Variants in INTS10 observed in about 807,000 individuals in gnomAD.
The protein encoded by INTS10 is integrator complex subunit 10, also known as chromosome 8 open reading frame 35.
In INTS10, 44 loss-of-function variants were observed where a neutral mutation model predicts 94.4. That is an observed-to-expected ratio of 0.47 (90% confidence interval 0.37 to 0.60). The LOEUF (loss-of-function observed/expected upper bound fraction) is 0.60. INTS10 is among the 20% of genes least tolerant of loss of function. The probability of loss-of-function intolerance (pLI) is 0.00; values close to 1 mark genes in which losing one functional copy is unlikely to be tolerated. For missense variants in INTS10, 797 were observed against 868.7 expected (o/e 0.92, Z 1.04); for synonymous variants, 341 against 320.7 (o/e 1.06, Z -0.68).
intron 9 of INTS10, among the ~76,000 whole-genome samples, chr8:19,829,643 G>C (rs976916198): frequency 6.6e-6 from 1 of 152,160 alleles, no homozygotes; most frequent in African/African-American, 2.4e-5. Flanking sequence ...GTTATTCTCT[G>C]ACATTATTTC....
intron 9 of INTS10, among the ~76,000 whole-genome samples, chr8:19,828,308 C>T (rs2066960199): frequency 7.0e-6 from 1 of 142,494 alleles, no homozygotes; most frequent in Admixed American, 7.2e-5. Context: ...CACACTGGCC[C>T]CTGGTGGTAA....
In INTS10 at chr8:19,851,616, G is replaced by A. The variant is rs1453234604; in HGVS notation, c.1977-33G>A. 6.2e-7 allele frequency: 1 copy of A among 1,611,182 alleles called. No homozygotes were observed. The highest frequency in any genetic ancestry group is 8.5e-7 in the Non-Finnish European group (1 of 1,177,624). ...ATCAGCGATGCTGGTGCTAACCCCT[G>A]GTCTTTGTCTGTTTCCCTATTGCTG... is the stretch of plus-strand genomic sequence containing the variant. On this transcript the variant is annotated intron_variant, in intron 16 of 16. Transcript: ENST00000397977. The surrounding 1 kb of genome is among the most constrained non-coding windows in gnomAD (Gnocchi z 5.0).
At position 19,820,433 on chromosome 8, in the gene INTS10, C is replaced by T. The variant is rs746873851; in HGVS notation, c.356C>T (p.Thr119Met). 14 of 1,613,316 alleles carry T rather than the reference C, an allele frequency of 8.7e-6. No individual in the cohort carries two copies. Among genetic ancestry groups the T allele is most frequent in the Middle Eastern group, 1.6e-4 (1 of 6,062 alleles). Reference sequence around the variant, plus strand: ...CAGTGTGAAATGTTACTAAAGGTCACGGAACAATGCTTCAACACGTTAGAA... The same window carrying T: ...CAGTGTGAAATGTTACTAAAGGTCATGGAACAATGCTTCAACACGTTAGAA... Reference protein sequence around the residue: ...RVQCEMLLKVTEQCFNTLERS... With the variant: ...RVQCEMLLKVMEQCFNTLERS... Residue 119 changes from threonine to methionine, a missense_variant, in exon 4 of 17, where the codon ACG (threonine) becomes ATG (methionine). Around this residue, in one of 3 missense-constraint regions of INTS10, gnomAD observed 734 missense variants for 787.8 expected, o/e 0.93. Transcript: ENST00000397977.
intron 2 of INTS10, 124 bp from the exon 3 acceptor site, chr8:19,819,449 G>C (rs901481254): frequency 1.0e-5 from 6 of 592,554 alleles, no homozygotes; most frequent in African/African-American, 1.9e-5. Context: ...ATTTTGGTTT[G>C]TTTTGGCACG....
chr8:19,841,969 T>C, intron 13 of INTS10: 1 of 292,542 alleles, frequency 3.4e-6, no homozygotes, highest in South Asian at 3.0e-5. Flanking sequence ...AGTATGTGTG[T>C]ACAGGATCCC....
intron 13 of INTS10, among the ~76,000 whole-genome samples, chr8:19,838,987 G>A (rs1171026537): frequency 6.6e-6 from 1 of 152,048 alleles, no homozygotes; most frequent in African/African-American, 2.4e-5. Context: ...CAGGGGAATC[G>A]CTTGAACCCG....
In INTS10 at chr8:19,818,221, C is replaced by G. The variant is rs1458886981; in HGVS notation, c.130-54C>G. 1.9e-6 allele frequency: 3 copies of G among 1,563,276 alleles called. No individual in the cohort carries two copies. The South Asian group carries it at 3.3e-5, about 17-fold the overall frequency. ...GGGCCAACGAGCGATGCTGGATGAG[C>G]TGGGAGCCTTCTGGGCAGGGGTGAG... On this transcript the variant is annotated intron_variant, in intron 1 of 16. Coordinates refer to ENST00000397977, the MANE Select transcript of INTS10 (RefSeq NM_018142.4).
rs2068132137 is a variant in INTS10 at position 19,841,660 on chromosome 8, C to T, written c.1640-1188C>T. Among the ~76,000 whole-genome samples the T allele has an allele frequency of 2.6e-5, 4 of 152,272 alleles. No individual in the cohort carries two copies. The South Asian group carries it at 8.3e-4, about 32-fold the overall frequency. ...AAAAATTGAAGAGGATGTGAAGGAACACAGTGCCACGTGCTTCTGGAAGGT... is the reference window on the plus strand; with the variant it reads ...AAAAATTGAAGAGGATGTGAAGGAATACAGTGCCACGTGCTTCTGGAAGGT... On this transcript the variant is annotated intron_variant, in intron 13 of 16. Transcript: ENST00000397977.
rs1590078662 is a variant in INTS10, at chr8:19,849,010, A to G, written c.1977-2639A>G. On this transcript the variant is annotated intron_variant, in intron 16 of 16. Coordinates refer to ENST00000397977, the MANE Select transcript of INTS10 (RefSeq NM_018142.4). The surrounding 1 kb of genome is among the most constrained non-coding windows in gnomAD (Gnocchi z 4.6). The stretch of plus-strand genomic sequence containing the variant: ...TGGCTAGCTTCTCCCCAGTCTCCTT[A>G]AACACCCAGCCACGGCCAGGGGCTT... 3.1e-6 allele frequency: 1 copy of G among 322,842 alleles called. No individual in the cohort carries two copies. The highest frequency in any genetic ancestry group is 6.5e-6 in the Non-Finnish European group (1 of 153,714). 20.0% of individuals were successfully genotyped at this position (322,842 alleles called of 1,614,324 possible).
rs1243777269 is a variant in INTS10 at position 19,846,916 on chromosome 8, T to C, written c.1976+1119T>C. Among the ~76,000 whole-genome samples, 1 of 152,230 alleles carries C rather than the reference T, an allele frequency of 6.6e-6. No homozygotes were observed. The highest frequency in any genetic ancestry group is 1.5e-5 in the Non-Finnish European group (1 of 68,038). ...AGAGTTTCTGCAAGAGACTGAATCC[T>C]GAATGAGAAGAAAGTACTGCTAAAA... On this transcript the variant is annotated intron_variant, in intron 16 of 16. Transcript: ENST00000397977. This position sits in a 1 kb window ranked among gnomAD's most constrained non-coding sequence, Gnocchi z 4.2.
chr8:19,824,264 G>A lies in INTS10; in HGVS notation c.836+220G>A, dbSNP rs150512237. The A allele has an allele frequency of 2.8e-3, 1,043 of 369,750 alleles. 10 individuals carry two copies. Among genetic ancestry groups the A allele is most frequent in the African/African-American group, 0.02 (958 of 47,078 alleles). 22.9% of individuals were successfully genotyped at this position (369,750 alleles called of 1,614,324 possible). A position where few individuals can be genotyped will look rare whatever the true frequency, so the allele number is the denominator to read the frequency against. ...CCCAGTGCTTTGGGAGGCTGAGGTG[G>A]GCAGATCACTTGAGGTCAGGAGTTC... On this transcript the variant is annotated intron_variant, in intron 7 of 16. Coordinates refer to ENST00000397977, the MANE Select transcript of INTS10 (RefSeq NM_018142.4).
chr8:19,817,889 G>T (rs1188976151), intron 1 of INTS10, among the ~76,000 whole-genome samples: 1 of 148,828 alleles, frequency 6.7e-6, no homozygotes, highest in East Asian at 2.1e-4. Flanking sequence ...CCTCTCCCCA[G>T]CACTTGAGAG....
In INTS10 at chr8:19,822,519, T is replaced by C; in HGVS notation, c.522T>C (p.Phe174=). Residue 174 remains phenylalanine, a splice_region_variant and synonymous_variant, in exon 5 of 17, where the codon TTT becomes TTC. Transcript: ENST00000397977. ...ESPVNCFRKL[F]VCDVLPLIIN... Reference sequence around the variant, plus strand: ...CAGTGAACTGCTTTAGAAAATTATTTGGTAAGGAAAATTGTATTCTCTATT... The same window carrying C: ...CAGTGAACTGCTTTAGAAAATTATTCGGTAAGGAAAATTGTATTCTCTATT... The C allele has an allele frequency of 6.3e-7, 1 of 1,580,748 alleles. No individual in the cohort carries two copies. The highest frequency in any genetic ancestry group is 1.3e-5 in the African/African-American group (1 of 74,472).
In INTS10 at chr8:19,849,070, T is replaced by C. The variant is rs2068809703; in HGVS notation, c.1977-2579T>C. ...AATGAGTTTCTGTTTAGTCTGCTTCTAGTCTTGTGTATTTTCTCTGGAGTG... is the reference window on the plus strand; with the variant it reads ...AATGAGTTTCTGTTTAGTCTGCTTCCAGTCTTGTGTATTTTCTCTGGAGTG... On this transcript the variant is annotated intron_variant, in intron 16 of 16. Coordinates refer to ENST00000397977, the MANE Select transcript of INTS10 (RefSeq NM_018142.4). The surrounding 1 kb of genome is among the most constrained non-coding windows in gnomAD (Gnocchi z 4.6). 1 of 512,974 alleles carries C rather than the reference T, an allele frequency of 1.9e-6. No individual in the cohort carries two copies. Among genetic ancestry groups the C allele is most frequent in the Non-Finnish European group, 3.5e-6 (1 of 288,082 alleles). The allele number at this position is 512,974 out of a possible 1,614,324, so 31.8% of individuals were successfully genotyped here. A position where few individuals can be genotyped will look rare whatever the true frequency, so the allele number is the denominator to read the frequency against.
At chr8:19,818,101 A>G in intron 1 of INTS10, 174 bp from the exon 2 acceptor site, 1 of 658,340 alleles carries the variant, frequency 1.5e-6, no homozygotes, top group Non-Finnish European at 2.7e-6. Flanking sequence ...GGTGAACCCC[A>G]GGGTCACACT....
rs772467598 is a variant in INTS10 at position 19,822,484 on chromosome 8, C to G, written c.487C>G (p.Gln163Glu). Residue 163 changes from glutamine to glutamate, a missense_variant, in exon 5 of 17, where the codon CAA becomes GAA. By Grantham distance (29) the Gln-to-Glu change is conservative (BLOSUM62 2). This residue lies in a region of INTS10 where 734 missense variants were observed against 787.8 expected (regional missense o/e 0.93). Transcript: ENST00000397977. Reference protein sequence around the residue: ...ALLEAETIEEQESPVNCFRKL... With the variant: ...ALLEAETIEEEESPVNCFRKL... Reference sequence around the variant, plus strand: ...ATTAGAGGCTGAAACTATTGAAGAACAAGAATCTCCAGTGAACTGCTTTAG... The same window carrying G: ...ATTAGAGGCTGAAACTATTGAAGAAGAAGAATCTCCAGTGAACTGCTTTAG... The G allele has an allele frequency of 1.9e-6, 3 of 1,611,564 alleles. No individual in the cohort carries two copies. Among genetic ancestry groups the G allele is most frequent in the South Asian group, 1.1e-5 (1 of 91,008 alleles).
At chr8:19,832,765 A>G (rs956028689) in intron 11 of INTS10, among the ~76,000 whole-genome samples, 2 of 152,144 alleles carry the variant, frequency 1.3e-5, no homozygotes, top group Non-Finnish European at 2.9e-5. Context: ...TTGAATGGAG[A>G]TAGTCGATAA....
At chr8:19,823,173 T>A in intron 5 of INTS10, 128 bp from the exon 6 acceptor site, 1 of 686,944 alleles carries the variant, frequency 1.5e-6, no homozygotes, top group Non-Finnish European at 2.5e-6. Context: ...AATACATGAG[T>A]CATAAGGGAT....
rs148639070 is a variant in INTS10 at position 19,820,848 on chromosome 8, G to A, written c.441+330G>A. 26 of 183,270 alleles carry A rather than the reference G, an allele frequency of 1.4e-4. No individual in the cohort carries two copies. In the East Asian group the frequency reaches 2.7e-3, roughly 19 times the overall value. 11.4% of individuals were successfully genotyped at this position (183,270 alleles called of 1,614,324 possible). A position where few individuals can be genotyped will look rare whatever the true frequency, so the allele number is the denominator to read the frequency against. On this transcript the variant is annotated intron_variant, in intron 4 of 16. Transcript: ENST00000397977. ...TAGAGTTTATAGTCTTAACAGATGCGTTTTTCCTGTGCTTCTGCCCTATGG... is the reference window on the plus strand; with the variant it reads ...TAGAGTTTATAGTCTTAACAGATGCATTTTTCCTGTGCTTCTGCCCTATGG...
Sources: gnomAD v4.1 joint callset for allele counts (sites outside exome capture counted in the v4.1 genomes callset) on GRCh38, gnomAD v4.1.1 for gene constraint, gnomAD v4.1.1 regional missense constraint, Gnocchi (gnomAD v3.1) non-coding constraint, MANE v1.5 for transcripts, NCBI Gene and HGNC (gene_info 2026-07-23, HGNC 2026-07-21) for gene names.